Variants in NLGN4X observed in about 807,000 individuals in gnomAD.
NLGN4X encodes neuroligin 4 X-linked.
NLGN4X carries 3 observed loss-of-function variants against 40.3 expected under a neutral mutation model. The observed-to-expected ratio is 0.07, with a 90% CI of 0.03 to 0.19. The LOEUF (loss-of-function observed/expected upper bound fraction) is 0.19. Among genes scored for constraint, NLGN4X ranks in the 10% least tolerant of loss-of-function variants. The pLI is 1.00. For missense variants in NLGN4X, 382 were observed against 708.3 expected (o/e 0.54, Z 5.23); for synonymous variants, 270 against 306.8 (o/e 0.88, Z 1.25).
intron 3 of NLGN4X, among the ~76,000 whole-genome samples, chrX:5,990,991 A>C: frequency 9.3e-6 from 1 of 108,049 alleles, no homozygotes; most frequent in African/African-American, 3.7e-5. Flanking sequence ...GTGTGCATGC[A>C]CACCTTTTAT....
At chrX:5,954,998 CT>C (rs1285432061) in intron 3 of NLGN4X, among the ~76,000 whole-genome samples, 1 of 111,613 alleles carries the variant, frequency 9.0e-6, no homozygotes, top group African/African-American at 3.3e-5. Flanking sequence ...TGTAGATGCT[CT>C]TGAAATTGAT....
chrX:5,921,432 A>AGAGAGAGAGAGAGAGAGAGAGG (rs1569131768), intron 3 of NLGN4X, among the ~76,000 whole-genome samples: 23 of 105,759 alleles, frequency 2.2e-4, no homozygotes, highest in Non-Finnish European at 5.8e-5. Context: ...AGAGAGAGAG[A>AGAGAGAGAGAGAGAGAGAGAGG]GAGGAGAGAC....
At chrX:6,043,376 C>A (rs963846372) in intron 2 of NLGN4X, among the ~76,000 whole-genome samples, 3 of 110,792 alleles carry the variant, frequency 2.7e-5, no homozygotes, top group Middle Eastern at 4.3e-3. Flanking sequence ...TATGTATTTA[C>A]TATATATGTA....
chrX:6,149,393 C>A (rs866916809), intron 2 of NLGN4X, among the ~76,000 whole-genome samples: 1 of 111,991 alleles, frequency 8.9e-6, no homozygotes, highest in South Asian at 3.7e-4. Context: ...ACCCTTTGTC[C>A]TGTTTGGGGG....
At chrX:5,893,702 C>T in intron 5 of NLGN4X, 36 bp from the exon 6 acceptor site, 1 of 1,203,316 alleles carries the variant, frequency 8.3e-7, no homozygotes, top group Non-Finnish European at 1.1e-6. Context: ...AAAGGTCATA[C>T]TCTTCCACAT....
chrX:5,926,934 TTCTATCTATCTA>T (rs3072082), intron 3 of NLGN4X, among the ~76,000 whole-genome samples: 4,300 of 96,817 alleles, frequency 0.044, 95 homozygotes, highest in African/African-American at 0.079. Context: ...TCTCTATATC[TTCTATCTATCTA>T]TCTATCTATC....
chrX:6,165,815 CTTTA>C (rs980312573), intron 1 of NLGN4X, among the ~76,000 whole-genome samples: 16 of 111,089 alleles, frequency 1.4e-4, no homozygotes, highest in African/African-American at 4.3e-4. Context: ...ACCCAGGTGT[CTTTA>C]TTTATTTTTT....
intron 2 of NLGN4X, among the ~76,000 whole-genome samples, chrX:6,142,861 A>C (rs1466346747): frequency 1.8e-5 from 2 of 111,957 alleles, no homozygotes; most frequent in African/African-American, 6.5e-5. Context: ...AATAAAGCAG[A>C]ATGATAATAG....
rs773700764 is a variant in NLGN4X at position 6,056,788 on chromosome X, T to A, written c.473-27356A>T. Among the ~76,000 whole-genome samples the A allele has an allele frequency of 2.7e-5, 3 of 111,876 alleles. No individual in the cohort carries two copies. The South Asian group carries it at 1.1e-3, about 41-fold the overall frequency. The stretch of plus-strand genomic sequence containing the variant: ...TGTGAAGGTGAATCCTAGTTATGAA[T>A]CTAACATGTGTTGACTTGAATGCAC... On this transcript the variant is annotated intron_variant, in intron 2 of 5. Transcript: ENST00000381095.
At chrX:6,178,387 T>C (rs1420179882) in intron 1 of NLGN4X, among the ~76,000 whole-genome samples, 1 of 111,920 alleles carries the variant, frequency 8.9e-6, no homozygotes, top group Non-Finnish European at 1.9e-5. Context: ...TGTACATTAA[T>C]ACATTGACTT....
intron 2 of NLGN4X, among the ~76,000 whole-genome samples, chrX:6,055,331 C>G (rs774490162): frequency 8.9e-6 from 1 of 111,846 alleles, no homozygotes. Flanking sequence ...TCCATCTCTA[C>G]AAAGTAAAAA....
chrX:6,111,237 A>G (rs2039141550), intron 2 of NLGN4X, among the ~76,000 whole-genome samples: 1 of 111,944 alleles, frequency 8.9e-6, no homozygotes, highest in African/African-American at 3.2e-5. Context: ...CCCAAAATTC[A>G]TATGCTGAAA....
At chrX:6,208,063 T>C (rs1012146106) in intron 1 of NLGN4X, among the ~76,000 whole-genome samples, 2 of 111,954 alleles carry the variant, frequency 1.8e-5, no homozygotes, top group African/African-American at 3.2e-5. Flanking sequence ...TATAACACCA[T>C]TTTCAAACAG....
At chrX:5,947,839 A>G (rs1256787136) in intron 3 of NLGN4X, among the ~76,000 whole-genome samples, 1 of 112,145 alleles carries the variant, frequency 8.9e-6, no homozygotes, top group Non-Finnish European at 1.9e-5. Context: ...AGATATTTAG[A>G]AAAAAAATTC....
At chrX:6,013,818 C>T (rs1193967149) in intron 3 of NLGN4X, among the ~76,000 whole-genome samples, 3 of 110,528 alleles carry the variant, frequency 2.7e-5, no homozygotes, top group African/African-American at 9.9e-5. Context: ...GATTATGACA[C>T]TGCACTCCAA....
At chrX:5,957,365 T>G (rs966168605) in intron 3 of NLGN4X, among the ~76,000 whole-genome samples, 2 of 111,729 alleles carry the variant, frequency 1.8e-5, no homozygotes, top group Non-Finnish European at 3.8e-5. Flanking sequence ...GACCCCAGAT[T>G]CGGGATTTAA....
intron 2 of NLGN4X, among the ~76,000 whole-genome samples, chrX:6,101,637 TAGAG>T (rs1366769387): frequency 9.1e-6 from 1 of 110,096 alleles, no homozygotes; most frequent in Non-Finnish European, 1.9e-5. Context: ...CTCATGTGCA[TAGAG>T]AGTCAAAAAA....
intron 3 of NLGN4X, among the ~76,000 whole-genome samples, chrX:5,996,108 T>C (rs1375367681): frequency 1.8e-5 from 2 of 112,077 alleles, no homozygotes; most frequent in Admixed American, 9.5e-5. Context: ...CATCCAAAGA[T>C]AGCTGGATGG....
At position 6,221,474 on chromosome X, in the gene NLGN4X, C is replaced by T. The variant is rs984453337; in HGVS notation, c.-306+7067G>A. Among the ~76,000 whole-genome samples, 17 of 92,585 alleles carry T rather than the reference C, an allele frequency of 1.8e-4. 1 individual carries two copies. The highest frequency in any genetic ancestry group is 3.1e-4 in the Non-Finnish European group (15 of 47,917). The allele number at this position is 92,585 out of a possible 115,157, so 80.4% of individuals were successfully genotyped here. A position where few individuals can be genotyped will look rare whatever the true frequency, so the allele number is the denominator to read the frequency against. ...TTGCAATGGCTGAGAAAAACATTTT[C>T]AGCAAAGACTAGTTCCTAGTTAATG... On this transcript the variant is annotated intron_variant, in intron 1 of 5. Transcript: ENST00000381095.
Sources: gnomAD v4.1 joint callset for allele counts (sites outside exome capture counted in the v4.1 genomes callset) on GRCh38, gnomAD v4.1.1 for gene constraint, MANE v1.5 for transcripts, NCBI Gene and HGNC (gene_info 2026-07-23, HGNC 2026-07-21) for gene names.